Variants in CACNA1H observed in about 807,000 individuals in gnomAD.
CACNA1H encodes the protein voltage-dependent T-type calcium channel subunit alpha-1H.
A neutral mutation model predicts 192.5 loss-of-function variants in CACNA1H; 149 were observed. The observed-to-expected ratio is 0.77, with a 90% confidence interval of 0.68 to 0.89. The LOEUF is 0.89. Among genes scored for constraint, CACNA1H ranks in the 40% least tolerant of loss-of-function variants. The pLI is 0.00. For synonymous variants in CACNA1H, 2,202 were observed against 1,475.2 expected (o/e 1.49, Z -11.29); for missense variants, 4,257 against 3,423.5 (o/e 1.24, Z -6.08).
In CACNA1H at chr16:1,202,185, G is replaced by A. The variant is rs200804807; in HGVS notation, c.1735G>A (p.Asp579Asn). 3.7e-4 allele frequency: 569 copies of A among 1,552,620 alleles called. No homozygotes were observed. The African/African-American group carries it at 6.4e-3, about 17-fold the overall frequency. Residue 579 changes from aspartate (D) to asparagine (N), a missense_variant, in exon 9 of 35, where the codon GAC becomes AAC. Physicochemically the swap from Asp to Asn is conservative, Grantham distance 23 (BLOSUM62 1). Coordinates refer to ENST00000348261, the MANE Select transcript of CACNA1H (RefSeq NM_021098.3). ...AESVHSIYHA[D>N]CHIEGPQERA... ...GTCTGTGCACAGCATCTACCATGCCGACTGCCACATAGAGGGGCCGCAGGA... is the reference window on the plus strand; with the variant it reads ...GTCTGTGCACAGCATCTACCATGCCAACTGCCACATAGAGGGGCCGCAGGA...
chr16:1,153,364 G>C lies in CACNA1H; in HGVS notation c.-125G>C, dbSNP rs531721075. 2 of 109,790 alleles carry C rather than the reference G, an allele frequency of 1.8e-5. No individual in the cohort carries two copies. The highest frequency in any genetic ancestry group is 6.1e-5 in the African/African-American group (2 of 33,008). 6.8% of individuals were successfully genotyped at this position (109,790 alleles called of 1,614,324 possible). On this transcript the variant is annotated 5_prime_UTR_variant, in exon 1 of 35. Coordinates refer to ENST00000348261, the MANE Select transcript of CACNA1H (RefSeq NM_021098.3). ...GCTGGGGGCCGGGGCCGGGGCCGGG[G>C]GCGGAGGCGCTGGGGGCCGGGGCCG...
chr16:1,174,520 G>A (rs914666195), intron 2 of CACNA1H, among the ~76,000 whole-genome samples: 1 of 151,892 alleles, frequency 6.6e-6, no homozygotes, highest in African/African-American at 2.4e-5. Flanking sequence ...CATGGGGAGG[G>A]AGGGAGGGAA....
Position 1,220,308 on chromosome 16 carries a change from G to T in CACNA1H, c.6376G>T (p.Ala2126Ser). ...EPHGPEASPV[A>S]GGERDLRRLY... ...CCATGGCCCCGAAGCCTCTCCGGTG[G>T]CCGGCGGCGAGCGGGACCTGCGCAG... Residue 2126 changes from alanine to serine, a missense_variant, in exon 35 of 35, where the codon GCC (alanine) becomes TCC (serine). Physicochemically the swap from Ala to Ser is moderately conservative, Grantham distance 99 (BLOSUM62 1). Transcript: ENST00000348261. 6.4e-7 allele frequency: 1 copy of T among 1,563,476 alleles called. No individual in the cohort carries two copies.
At position 1,218,581 on chromosome 16, in the gene CACNA1H, T is replaced by TGCCTCGGCGCCC; in HGVS notation, c.5818_5829dup (p.Ala1940_Pro1943dup). 1.3e-6 allele frequency: 2 copies of TGCCTCGGCGCCC among 1,565,512 alleles called. No individual in the cohort carries two copies. Among genetic ancestry groups the TGCCTCGGCGCCC allele is most frequent in the South Asian group, 2.3e-5 (2 of 85,150 alleles). On this transcript the variant is annotated inframe_insertion, in exon 33 of 35. Transcript: ENST00000348261. ...GCTACATGTTCAGGCCCGTGGTGCC[T>TGCCTCGGCGCCC]GCCTCGGCGCCCCACCCCCGCCCGC...
intron 2 of CACNA1H, among the ~76,000 whole-genome samples, chr16:1,166,200 TG>T (rs1963755582): frequency 6.6e-6 from 1 of 152,140 alleles, no homozygotes; most frequent in African/African-American, 2.4e-5. Flanking sequence ...CTCTTGCCCC[TG>T]GGGGCAGGCA....
Position 1,215,388 on chromosome 16 carries a change from G to A in CACNA1H, c.5173+13G>A, listed in dbSNP as rs542071111. The A allele has an allele frequency of 1.7e-5, 28 of 1,605,538 alleles. 1 individual carries two copies. The highest frequency in any genetic ancestry group is 8.9e-5 in the South Asian group (8 of 89,898). ...CGCATTGCCCGTGGTAGGTGCCCGC[G>A]TGCCCGCCAGGTTCTCTCTGCGGGT... On this transcript the variant is annotated intron_variant, in intron 29 of 34. Coordinates refer to ENST00000348261, the MANE Select transcript of CACNA1H (RefSeq NM_021098.3).
At chr16:1,166,594 G>A (rs370649240) in intron 2 of CACNA1H, among the ~76,000 whole-genome samples, 8 of 152,226 alleles carry the variant, frequency 5.3e-5, no homozygotes, top group African/African-American at 1.9e-4. Context: ...CTCGCCCCGA[G>A]AGGAAACCCT....
intron 2 of CACNA1H, among the ~76,000 whole-genome samples, chr16:1,186,135 C>G (rs1449374531): frequency 4.8e-5 from 3 of 62,614 alleles, no homozygotes; most frequent in Admixed American, 2.1e-4. Context: ...GGGGTGTGTA[C>G]GGGGCGGGTG....
At chr16:1,159,390 C>T (rs1234652749) in intron 2 of CACNA1H, among the ~76,000 whole-genome samples, 4 of 151,186 alleles carry the variant, frequency 2.6e-5, no homozygotes, top group Non-Finnish European at 5.9e-5. Flanking sequence ...GGGGACAGTG[C>T]AGGCCTTGAG....
chr16:1,175,205 C>T (rs1457281421), intron 2 of CACNA1H, among the ~76,000 whole-genome samples: 5 of 152,124 alleles, frequency 3.3e-5, no homozygotes, highest in African/African-American at 7.2e-5. Context: ...CCCTACTGTG[C>T]GCACAGGTTA....
rs752221447 is a variant in CACNA1H at position 1,213,937 on chromosome 16, T to TGCGAGGGGGCC, written c.4929+15_4929+25dup. On this transcript the variant is annotated splice_region_variant and intron_variant, in intron 27 of 34. Transcript: ENST00000348261. ...AGCACTATAACCAACCCAAGGTGGG[T>TGCGAGGGGGCC]GCGAGGGGGCCGCGAGGGGCCCAGG... 1.2e-6 allele frequency: 2 copies of TGCGAGGGGGCC among 1,608,486 alleles called. No homozygotes were observed. Among genetic ancestry groups the TGCGAGGGGGCC allele is most frequent in the African/African-American group, 1.3e-5 (1 of 74,850 alleles).
intron 2 of CACNA1H, chr16:1,157,083 C>T (rs561546379): frequency 1.3e-5 from 2 of 152,188 alleles, no homozygotes. Flanking sequence ...CCCGGGGTTC[C>T]TGACTCCGCG....
Position 1,180,322 on chromosome 16 carries a change from G to T in CACNA1H, c.300-14650G>T, listed in dbSNP as rs1965339688. Reference sequence around the variant, plus strand: ...ATGTGAGGCGAGAGGGACTCGGGCTGCTGTGGGCTGGGGAGGACGGTCCCA... The same window carrying T: ...ATGTGAGGCGAGAGGGACTCGGGCTTCTGTGGGCTGGGGAGGACGGTCCCA... On this transcript the variant is annotated intron_variant, in intron 2 of 34. Transcript: ENST00000348261. The surrounding 1 kb of genome is among the most constrained non-coding windows in gnomAD (Gnocchi z 4.4). Among the ~76,000 whole-genome samples the T allele has an allele frequency of 6.6e-6, 1 of 152,258 alleles. No homozygotes were observed. The highest frequency in any genetic ancestry group is 2.4e-5 in the African/African-American group (1 of 41,468).
intron 2 of CACNA1H, among the ~76,000 whole-genome samples, chr16:1,165,251 G>A (rs1205121255): frequency 6.6e-6 from 1 of 152,178 alleles, no homozygotes; most frequent in East Asian, 1.9e-4. Flanking sequence ...CATTCTAGAA[G>A]CCAGATGTAG....
At position 1,220,464 on chromosome 16, in the gene CACNA1H, G is replaced by A. The variant is rs771909122; in HGVS notation, c.6532G>A (p.Ala2178Thr). ...AKAWGPEAEPALGARRKKKMS... is the reference protein window; with the variant it reads ...AKAWGPEAEPTLGARRKKKMS... ...GGCCTGGGGCCCTGAGGCCGAGCCC[G>A]CTCTGGGTGCGCGCAGAAAGAAGAA... is the stretch of plus-strand genomic sequence containing the variant. Residue 2178 changes from alanine to threonine, a missense_variant, in exon 35 of 35, where the codon GCT (alanine) becomes ACT (threonine). Coordinates refer to ENST00000348261, the MANE Select transcript of CACNA1H (RefSeq NM_021098.3). 3.2e-5 allele frequency: 50 copies of A among 1,545,596 alleles called. No homozygotes were observed. Among genetic ancestry groups the A allele is most frequent in the Middle Eastern group, 1.8e-4 (1 of 5,680 alleles).
chr16:1,207,097 G>T lies in CACNA1H; in HGVS notation c.2886G>T (p.Trp962Cys). ...PDRKNFDSLL[W>C]AIVTVFQILT... is the part of the protein sequence containing the mutation. ...GGAAGAACTTCGACTCCCTGCTGTGGGCCATCGTCACCGTGTTCCAGGTAG... is the reference window on the plus strand; with the variant it reads ...GGAAGAACTTCGACTCCCTGCTGTGTGCCATCGTCACCGTGTTCCAGGTAG... Residue 962 changes from tryptophan to cysteine, a missense_variant, in exon 13 of 35, where the codon TGG (tryptophan) becomes TGT (cysteine). Coordinates refer to ENST00000348261, the MANE Select transcript of CACNA1H (RefSeq NM_021098.3). 6.3e-7 allele frequency: 1 copy of T among 1,596,976 alleles called. No homozygotes were observed. Among genetic ancestry groups the T allele is most frequent in the Non-Finnish European group, 8.5e-7 (1 of 1,171,660 alleles).
chr16:1,158,817 G>A (rs150786453), intron 2 of CACNA1H, among the ~76,000 whole-genome samples: 3 of 150,612 alleles, frequency 2.0e-5, no homozygotes, highest in Non-Finnish European at 4.4e-5. Flanking sequence ...CCCGCAGGGC[G>A]CCACTCAGCC....
intron 2 of CACNA1H, among the ~76,000 whole-genome samples, chr16:1,179,902 T>C (rs1046584962): frequency 1.3e-5 from 2 of 150,988 alleles, no homozygotes; most frequent in African/African-American, 4.9e-5. Flanking sequence ...GCCCAGCTAA[T>C]TGTTTTGTAT....
In CACNA1H at chr16:1,205,229, C is replaced by A. The variant is rs368799344; in HGVS notation, c.2567C>A (p.Pro856Gln). The A allele has an allele frequency of 2.5e-6, 4 of 1,611,860 alleles. No homozygotes were observed. The African/African-American group carries it at 4.0e-5, about 16-fold the overall frequency. Reference protein sequence around the residue: ...ACGPLGYIRNPYNIFDGIIVV... With the variant: ...ACGPLGYIRNQYNIFDGIIVV... ...GGCCCTCTGGGCTACATCCGGAACC[C>A]GTACAACATCTTCGACGGCATCATC... The change falls in exon 11 of 35, where the codon CCG (proline) becomes CAG (glutamine). Residue 856 changes from proline (P) to glutamine (Q), a missense_variant. Transcript: ENST00000348261.
Sources: gnomAD v4.1 joint callset for allele counts (sites outside exome capture counted in the v4.1 genomes callset) on GRCh38, gnomAD v4.1.1 for gene constraint, Gnocchi (gnomAD v3.1) non-coding constraint, MANE v1.5 for transcripts, NCBI Gene and HGNC (gene_info 2026-07-23, HGNC 2026-07-21) for gene names.